The following TCERG1L variants were observed in gnomAD, a reference collection of about 807,000 sequenced individuals.
The protein encoded by TCERG1L is transcription elongation regulator 1 like.
Under a neutral mutation model 56.3 loss-of-function variants are expected in TCERG1L, and 37 were observed. The ratio of observed to expected loss-of-function variants is 0.66; its 90% CI spans 0.51 to 0.87. The LOEUF (loss-of-function observed/expected upper bound fraction) is 0.87, where lower values mean the gene tolerates loss of function less well. Ranked by LOEUF, TCERG1L falls within the 40% of genes least tolerant of loss-of-function variation. TCERG1L has a pLI of 0.00. For missense variants in TCERG1L, 799 were observed against 774.2 expected (o/e 1.03, Z -0.38); for synonymous variants, 324 against 326.3 (o/e 0.99, Z 0.08).
intron 3 of TCERG1L, among the ~76,000 whole-genome samples, chr10:131,295,827 C>A (rs900079252): frequency 6.6e-6 from 1 of 152,228 alleles, no homozygotes; most frequent in African/African-American, 2.4e-5. Context: ...ACCTCTAGAA[C>A]TTATTCCTGC....
At chr10:131,169,872 C>T (rs566921073) in intron 4 of TCERG1L, among the ~76,000 whole-genome samples, 1 of 152,150 alleles carries the variant, frequency 6.6e-6, no homozygotes, top group Non-Finnish European at 1.5e-5. Context: ...ACAGCATTGC[C>T]TAGTTTACTC....
At chr10:131,237,965 A>G (rs925447614) in intron 4 of TCERG1L, among the ~76,000 whole-genome samples, 4 of 152,384 alleles carry the variant, frequency 2.6e-5, no homozygotes, top group African/African-American at 9.6e-5. Flanking sequence ...TTCTGCCTGC[A>G]GAGCCCTAAT....
chr10:131,288,196 C>T (rs939123097), intron 3 of TCERG1L, among the ~76,000 whole-genome samples: 14 of 152,048 alleles, frequency 9.2e-5, no homozygotes, highest in African/African-American at 3.4e-4. Context: ...TCTTACATAA[C>T]ACAAAAGAAG....
At chr10:131,305,156 T>A (rs1351830768) in intron 3 of TCERG1L, among the ~76,000 whole-genome samples, 1 of 152,022 alleles carries the variant, frequency 6.6e-6, no homozygotes, top group Non-Finnish European at 1.5e-5. Context: ...CACTTGCATT[T>A]CTCCCCCAGG....
At chr10:131,283,094 G>A (rs1260768867) in intron 3 of TCERG1L, among the ~76,000 whole-genome samples, 2 of 152,202 alleles carry the variant, frequency 1.3e-5, no homozygotes, top group African/African-American at 2.4e-5. Context: ...CTAAGTGCAC[G>A]TAGGCTACAG....
chr10:131,137,745 T>C lies in TCERG1L; in HGVS notation c.1190-3297A>G, dbSNP rs554818580. On this transcript the variant is annotated intron_variant, in intron 7 of 11. Transcript: ENST00000368642. ...TGGTTTGTTTTGAATAGTTTCAACATGGGCAAAGCTTTCCTAATTATGATC... is the reference window on the plus strand; with the variant it reads ...TGGTTTGTTTTGAATAGTTTCAACACGGGCAAAGCTTTCCTAATTATGATC... Among the ~76,000 whole-genome samples, 41 of 152,348 alleles carry C rather than the reference T, an allele frequency of 2.7e-4. 1 individual carries two copies. The South Asian group carries it at 3.5e-3, about 13-fold the overall frequency.
intron 3 of TCERG1L, among the ~76,000 whole-genome samples, chr10:131,271,680 G>A (rs1846340796): frequency 6.6e-6 from 1 of 152,224 alleles, no homozygotes; most frequent in Non-Finnish European, 1.5e-5. Context: ...GAGATCAGGA[G>A]GAAGGCCAGG....
chr10:131,233,496 A>G (rs1424167050), intron 4 of TCERG1L, among the ~76,000 whole-genome samples: 1 of 150,972 alleles, frequency 6.6e-6, no homozygotes. Context: ...ACGCTCACAC[A>G]CACACACATG....
chr10:131,230,279 G>A (rs1317455394), intron 4 of TCERG1L, among the ~76,000 whole-genome samples: 7 of 152,242 alleles, frequency 4.6e-5, no homozygotes, highest in African/African-American at 1.2e-4. Context: ...CTGCTTGCGC[G>A]CCCCTCCTGG....
At chr10:131,280,362 A>T (rs577206077) in intron 3 of TCERG1L, among the ~76,000 whole-genome samples, 1 of 144,636 alleles carries the variant, frequency 6.9e-6, no homozygotes, top group East Asian at 2.1e-4. Flanking sequence ...TAATCAATCA[A>T]CATATGCAAG....
At chr10:131,157,782 G>A (rs1020783484) in intron 6 of TCERG1L, among the ~76,000 whole-genome samples, 2 of 152,148 alleles carry the variant, frequency 1.3e-5, no homozygotes, top group Non-Finnish European at 2.9e-5. Flanking sequence ...GAAAGTAAAC[G>A]CACTGTCTTC....
chr10:131,260,950 G>T lies in TCERG1L; in HGVS notation c.671-506C>A, dbSNP rs891807561. Among the ~76,000 whole-genome samples, 13 of 151,924 alleles carry T rather than the reference G, an allele frequency of 8.6e-5. No homozygotes were observed. The highest frequency in any genetic ancestry group is 2.9e-4 in the African/African-American group (12 of 41,350). ...CAGCTGGGCCCTGCAGGGAGAGGGC[G>T]GAGAGGTTTCCAGAGGGCACCAGGC... On this transcript the variant is annotated intron_variant, in intron 3 of 11. Coordinates refer to ENST00000368642, the MANE Select transcript of TCERG1L (RefSeq NM_174937.4). This position sits in a 1 kb window ranked among gnomAD's most constrained non-coding sequence, Gnocchi z 5.8.
chr10:131,301,166 T>A (rs1243345001), intron 3 of TCERG1L, among the ~76,000 whole-genome samples: 1 of 151,994 alleles, frequency 6.6e-6, no homozygotes, highest in African/African-American at 2.4e-5. Context: ...TGGGAAGAAA[T>A]CCTTGTCAAT....
At chr10:131,281,606 T>C (rs1308327694) in intron 3 of TCERG1L, among the ~76,000 whole-genome samples, 1 of 151,908 alleles carries the variant, frequency 6.6e-6, no homozygotes, top group Non-Finnish European at 1.5e-5. Context: ...GAGCTGCCTG[T>C]TTCTATTCTT....
In TCERG1L at chr10:131,139,736, GTGTC is replaced by G. The variant is rs770480455; in HGVS notation, c.1190-5292_1190-5289del. On this transcript the variant is annotated intron_variant, in intron 7 of 11. Transcript: ENST00000368642. Reference sequence around the variant, plus strand: ...TCTGTGTGTATGTGTGCCTGTGTATGTGTCTGTATGTGTACATGTGTGTTTCTGT... The same window carrying G: ...TCTGTGTGTATGTGTGCCTGTGTATGTGTATGTGTACATGTGTGTTTCTGT... 2.8e-4 allele frequency among the ~76,000 whole-genome samples: 43 copies of G among 151,870 alleles called. 1 individual carries two copies. The highest frequency in any genetic ancestry group is 2.2e-3 in the Admixed American group (34 of 15,244).
intron 3 of TCERG1L, among the ~76,000 whole-genome samples, chr10:131,295,449 C>T (rs1056329686): frequency 4.6e-5 from 7 of 152,206 alleles, no homozygotes; most frequent in Non-Finnish European, 5.9e-5. Flanking sequence ...TTCACCACCA[C>T]GTGGTATTGC....
chr10:131,238,762 C>T (rs1002000537), intron 4 of TCERG1L, among the ~76,000 whole-genome samples: 6 of 152,194 alleles, frequency 3.9e-5, no homozygotes, highest in African/African-American at 1.2e-4. Context: ...AGCCACTTGC[C>T]CATCACGCGG....
chr10:131,285,662 A>C (rs544249418), intron 3 of TCERG1L, among the ~76,000 whole-genome samples: 1 of 152,234 alleles, frequency 6.6e-6, no homozygotes, highest in Admixed American at 6.5e-5. Context: ...TAAGTGCAGC[A>C]TTGTGTATAT....
intron 4 of TCERG1L, among the ~76,000 whole-genome samples, chr10:131,195,882 C>A (rs117126818): frequency 0.048 from 7,336 of 152,324 alleles, 188 homozygotes; most frequent in Middle Eastern, 0.082. Context: ...CAAGGCGAGG[C>A]AAGCACAGCC....
Sources: gnomAD v4.1 joint callset for allele counts (sites outside exome capture counted in the v4.1 genomes callset) on GRCh38, gnomAD v4.1.1 for gene constraint, Gnocchi (gnomAD v3.1) non-coding constraint, MANE v1.5 for transcripts, NCBI Gene and HGNC (gene_info 2026-07-23, HGNC 2026-07-21) for gene names.